The following DPYD variants were observed in gnomAD, a reference collection of about 807,000 sequenced individuals.
DPYD encodes dihydropyrimidine dehydrogenase, also known as dihydropyrimidine dehydrogenase [NADP(+)].
Under a neutral mutation model 116.2 loss-of-function variants are expected in DPYD, and 109 were observed. The ratio of observed to expected loss-of-function variants is 0.94; its 90% CI spans 0.80 to 1.10. The LOEUF is 1.10. Ranked by LOEUF, DPYD falls within the 50% of genes least tolerant of loss-of-function variation. DPYD has a pLI of 0.00. For synonymous variants in DPYD, 440 were observed against 432.0 expected (o/e 1.02, Z -0.23); for missense variants, 1,302 against 1,254.5 (o/e 1.04, Z -0.57).
At chr1:97,655,829 A>T (rs888663700) in intron 8 of DPYD, among the ~76,000 whole-genome samples, 2 of 152,204 alleles carry the variant, frequency 1.3e-5, no homozygotes, top group African/African-American at 4.8e-5. Context: ...AGTTAACAGA[A>T]ATATTGACGT....
chr1:97,329,238 C>A (rs1319355068), intron 16 of DPYD, among the ~76,000 whole-genome samples: 2 of 152,122 alleles, frequency 1.3e-5, no homozygotes, highest in African/African-American at 4.8e-5. Context: ...TGCATAAATT[C>A]ATTTTTGTGG....
intron 13 of DPYD, among the ~76,000 whole-genome samples, chr1:97,512,005 T>C (rs901875542): frequency 6.6e-6 from 1 of 151,942 alleles, no homozygotes; most frequent in Non-Finnish European, 1.5e-5. Flanking sequence ...TGGCCTTTTC[T>C]CCTTCGATTG....
chr1:97,621,270 T>A (rs926853580), intron 8 of DPYD, among the ~76,000 whole-genome samples: 1 of 152,096 alleles, frequency 6.6e-6, no homozygotes, highest in African/African-American at 2.4e-5. Flanking sequence ...TGAATGTAAA[T>A]AAGAATTGAA....
intron 16 of DPYD, among the ~76,000 whole-genome samples, chr1:97,326,944 C>A (rs1359486579): frequency 6.6e-6 from 1 of 151,886 alleles, no homozygotes; most frequent in African/African-American, 2.4e-5. Context: ...TGTTATGTTA[C>A]AAGGCAATAA....
chr1:97,236,386 A>T (rs535614294), intron 18 of DPYD, among the ~76,000 whole-genome samples: 1 of 152,160 alleles, frequency 6.6e-6, no homozygotes, highest in Admixed American at 6.5e-5. Context: ...GCCAGAACTT[A>T]AAATTAAATT....
intron 2 of DPYD, among the ~76,000 whole-genome samples, chr1:97,864,241 T>C (rs1190611717): frequency 2.6e-5 from 4 of 151,878 alleles, no homozygotes; most frequent in Non-Finnish European, 4.4e-5. Context: ...GATTGATTAA[T>C]TGAAAGAAAA....
chr1:97,301,310 C>G (rs1589344), intron 18 of DPYD, among the ~76,000 whole-genome samples: 133,432 of 152,040 alleles, frequency 0.88, 60,445 homozygotes, highest in Non-Finnish European at 0.99. Flanking sequence ...TGTATAAGTT[C>G]ATACATAATG....
intron 8 of DPYD, among the ~76,000 whole-genome samples, chr1:97,678,304 G>A (rs72975800): frequency 1.3e-5 from 2 of 152,104 alleles, no homozygotes; most frequent in Non-Finnish European, 2.9e-5. Context: ...AGTAATGCTC[G>A]CTTGCCCACT....
At chr1:97,585,542 T>C (rs1315457653) in intron 10 of DPYD, among the ~76,000 whole-genome samples, 1 of 152,164 alleles carries the variant, frequency 6.6e-6, no homozygotes, top group Non-Finnish European at 1.5e-5. Flanking sequence ...AATGGAATTT[T>C]AGAATTTAGA....
At chr1:97,124,322 T>C (rs1215931313) in intron 20 of DPYD, among the ~76,000 whole-genome samples, 1 of 152,146 alleles carries the variant, frequency 6.6e-6, no homozygotes, top group Non-Finnish European at 1.5e-5. Flanking sequence ...TCTTAGGTTA[T>C]TTATTTCTTA....
chr1:97,542,329 A>G (rs1287661638), intron 12 of DPYD, among the ~76,000 whole-genome samples: 1 of 151,902 alleles, frequency 6.6e-6, no homozygotes. Context: ...TGAGGAAGGT[A>G]CTCCCTCCTC....
chr1:97,651,223 T>C (rs1246976233), intron 8 of DPYD, among the ~76,000 whole-genome samples: 2 of 152,158 alleles, frequency 1.3e-5, no homozygotes, highest in Admixed American at 1.3e-4. Flanking sequence ...TCTTGGATGA[T>C]AGATGCAAGA....
intron 18 of DPYD, among the ~76,000 whole-genome samples, chr1:97,235,717 T>C (rs1384139006): frequency 6.6e-6 from 1 of 152,212 alleles, no homozygotes; most frequent in East Asian, 1.9e-4. Flanking sequence ...AGCTATGTTA[T>C]GTTTCTTTAG....
chr1:97,893,310 T>C (rs1044382306), intron 1 of DPYD, among the ~76,000 whole-genome samples: 2 of 151,196 alleles, frequency 1.3e-5, no homozygotes, highest in Non-Finnish European at 3.0e-5. Flanking sequence ...GAACTTATCA[T>C]TGCCCTAAGC....
At chr1:97,643,211 C>G (rs1391562987) in intron 8 of DPYD, among the ~76,000 whole-genome samples, 1 of 152,004 alleles carries the variant, frequency 6.6e-6, no homozygotes, top group Non-Finnish European at 1.5e-5. Flanking sequence ...TATCCAGAAA[C>G]TACAAGGAAC....
intron 8 of DPYD, among the ~76,000 whole-genome samples, chr1:97,651,287 C>A (rs942145568): frequency 6.6e-6 from 1 of 152,110 alleles, no homozygotes; most frequent in Non-Finnish European, 1.5e-5. Context: ...TTCAGAACAG[C>A]ATTAAAAATC....
chr1:97,254,440 T>C (rs187992158), intron 18 of DPYD, among the ~76,000 whole-genome samples: 6 of 152,150 alleles, frequency 3.9e-5, no homozygotes, highest in Admixed American at 2.0e-4. Flanking sequence ...TTTTTTAGAT[T>C]TCTGAAAAAA....
At position 97,620,065 on chromosome 1, in the gene DPYD, G is replaced by A. The variant is rs557526423; in HGVS notation, c.851-24899C>T. ...AAAAAAAAAAAACATAGGCACTTTG[G>A]AATTATTAGCCTGGGTTACACTCAG... On this transcript the variant is annotated intron_variant, in intron 8 of 22. Coordinates refer to ENST00000370192, the MANE Select transcript of DPYD (RefSeq NM_000110.4). Among the ~76,000 whole-genome samples, 574 of 151,304 alleles carry A rather than the reference G, an allele frequency of 3.8e-3. 3 individuals are homozygous for A. The highest frequency in any genetic ancestry group is 8.4e-3 in the South Asian group (40 of 4,786).
At chr1:97,634,033 C>T (rs939690008) in intron 8 of DPYD, among the ~76,000 whole-genome samples, 1 of 152,088 alleles carries the variant, frequency 6.6e-6, no homozygotes, top group African/African-American at 2.4e-5. Flanking sequence ...TCTTCTGCTT[C>T]TCAACTGGGC....
Sources: allele counts gnomAD v4.1 joint callset (sites outside exome capture counted in the v4.1 genomes callset), GRCh38; gene constraint gnomAD v4.1.1; transcripts MANE v1.5; gene names NCBI Gene and HGNC (gene_info 2026-07-23, HGNC 2026-07-21).